The following UBA6 variants were observed in gnomAD, a reference collection of about 807,000 sequenced individuals.
The protein encoded by UBA6 is ubiquitin-like modifier-activating enzyme 6.
UBA6 carries 87 observed loss-of-function variants against 148.3 expected under a neutral mutation model. The ratio of observed to expected loss-of-function variants is 0.59; its 90% confidence interval spans 0.49 to 0.70. UBA6 has a LOEUF of 0.70. Among genes scored for constraint, UBA6 ranks in the 30% least tolerant of loss-of-function variants. The pLI, the probability that UBA6 is intolerant of heterozygous loss-of-function variation, is 0.00. For synonymous variants in UBA6, 376 were observed against 401.0 expected, an observed-to-expected ratio of 0.94 and a Z score of 0.75; for missense variants, 1,186 against 1,241.2, an observed-to-expected ratio of 0.96 and a Z score of 0.67.
Position 67,615,933 on chromosome 4 carries a change from A to C in UBA6, c.*3064T>G, listed in dbSNP as rs1728616905. On this transcript the variant is annotated 3_prime_UTR_variant, in exon 33 of 33. Transcript: ENST00000322244. ...GTGACTGGGAAGGAACTACATGTGT[A>C]ATTTCTGAACTGCTGTCAATATATT... 1 of 341,886 alleles carries C rather than the reference A, an allele frequency of 2.9e-6. No individual in the cohort carries two copies. Among genetic ancestry groups the C allele is most frequent in the East Asian group, 4.0e-5 (1 of 25,184 alleles). The allele number at this position is 341,886 out of a possible 1,614,324, so 21.2% of individuals were successfully genotyped here.
intron 2 of UBA6, among the ~76,000 whole-genome samples, chr4:67,686,999 A>C (rs1247680852): frequency 2.1e-5 from 3 of 143,514 alleles, no homozygotes; most frequent in African/African-American, 5.1e-5. Flanking sequence ...AATCAAAAAC[A>C]ACCTACCGTT....
chr4:67,638,858 T>C, intron 19 of UBA6, 85 bp downstream of exon 19: 4 of 997,752 alleles, frequency 4.0e-6, no homozygotes, highest in Non-Finnish European at 6.0e-6. Flanking sequence ...AATCAGATAA[T>C]TCCGTAACTT....
At chr4:67,650,670 C>T (rs1219386597) in intron 13 of UBA6, among the ~76,000 whole-genome samples, 1 of 152,126 alleles carries the variant, frequency 6.6e-6, no homozygotes, top group East Asian at 1.9e-4. Context: ...CACATTGTTA[C>T]AATCTCGGAC....
At position 67,678,550 on chromosome 4, in the gene UBA6, A is replaced by C. The variant is rs541938817; in HGVS notation, c.259-17T>G. 6.6e-7 allele frequency: 1 copy of C among 1,524,122 alleles called. No homozygotes were observed. Among genetic ancestry groups the C allele is most frequent in the South Asian group, 1.2e-5 (1 of 84,628 alleles). The allele number at this position is 1,524,122 out of a possible 1,614,324, so 94.4% of individuals were successfully genotyped here. A position where few individuals can be genotyped will look rare whatever the true frequency, so the allele number is the denominator to read the frequency against. Reference sequence around the variant, plus strand: ...TGTAACTGCCTTCAAAAAAGAAAAAAGTATTGGTTGAAGTCAGGAGTTCAA... The same window carrying C: ...TGTAACTGCCTTCAAAAAAGAAAAACGTATTGGTTGAAGTCAGGAGTTCAA... On this transcript the variant is annotated splice_polypyrimidine_tract_variant and intron_variant, in intron 4 of 32. Transcript: ENST00000322244.
chr4:67,699,374 A>G (rs1403641907), intron 1 of UBA6, among the ~76,000 whole-genome samples: 2 of 152,226 alleles, frequency 1.3e-5, no homozygotes, highest in Non-Finnish European at 2.9e-5. Context: ...TTGTAAACAA[A>G]GGTAATTAAA....
chr4:67,628,864 A>G (rs12509166), intron 27 of UBA6, among the ~76,000 whole-genome samples: 2,947 of 152,012 alleles, frequency 0.019, 71 homozygotes, highest in East Asian at 0.1. Context: ...CTAAGTCTAT[A>G]CTGATCTTTT....
At chr4:67,671,083 T>C (rs889059073) in intron 7 of UBA6, among the ~76,000 whole-genome samples, 1 of 151,974 alleles carries the variant, frequency 6.6e-6, no homozygotes, top group Non-Finnish European at 1.5e-5. Context: ...ACATCACAAA[T>C]CAAAGCCATG....
At chr4:67,656,773 T>C (rs900334219) in intron 13 of UBA6, among the ~76,000 whole-genome samples, 8 of 152,222 alleles carry the variant, frequency 5.3e-5, no homozygotes, top group Admixed American at 1.3e-4. Context: ...ATTGTATATT[T>C]AGAAAACCCC....
Position 67,616,238 on chromosome 4 carries a change from G to T in UBA6, c.*2759C>A. ...AGTAAAATCGCTAAATCCATACACA[G>T]TGATTATATAAAATTAGATATTTGC... On this transcript the variant is annotated 3_prime_UTR_variant, in exon 33 of 33. Coordinates refer to ENST00000322244, the MANE Select transcript of UBA6 (RefSeq NM_018227.6). 1 of 392,258 alleles carries T rather than the reference G, an allele frequency of 2.5e-6. No homozygotes were observed. The highest frequency in any genetic ancestry group is 4.5e-6 in the Non-Finnish European group (1 of 222,818). 24.3% of individuals were successfully genotyped at this position (392,258 alleles called of 1,614,324 possible). A position where few individuals can be genotyped will look rare whatever the true frequency, so the allele number is the denominator to read the frequency against.
At chr4:67,639,219 T>A in intron 18 of UBA6, 95 bp from the exon 19 acceptor site, 13 of 980,166 alleles carry the variant, frequency 1.3e-5, no homozygotes, top group Non-Finnish European at 1.9e-5. Flanking sequence ...ATGTGTAAGT[T>A]CAGTCATAGT....
intron 2 of UBA6, among the ~76,000 whole-genome samples, chr4:67,693,863 T>C (rs939149948): frequency 1.3e-5 from 2 of 151,968 alleles, no homozygotes; most frequent in African/African-American, 2.4e-5. Flanking sequence ...AATAAATCAT[T>C]GTCCAAAGTC....
At chr4:67,673,671 A>G (rs779347098) in intron 7 of UBA6, 26 bp downstream of exon 7, 6 of 1,526,384 alleles carry the variant, frequency 3.9e-6, no homozygotes, top group Non-Finnish European at 5.4e-6. Flanking sequence ...GGTTAACTAC[A>G]TGTCATTACT....
rs1729010656 is a variant in UBA6 at position 67,632,001 on chromosome 4, T to C, written c.2143-93A>G. ...AATTAAAAAATGTGTGTAGTAAATA[T>C]ATGCACATGATTCAAAAATCAAAAC... On this transcript the variant is annotated intron_variant, in intron 23 of 32. Coordinates refer to ENST00000322244, the MANE Select transcript of UBA6 (RefSeq NM_018227.6). 9 of 1,171,222 alleles carry C rather than the reference T, an allele frequency of 7.7e-6. No homozygotes were observed. The South Asian group carries it at 9.2e-5, about 12-fold the overall frequency. 72.6% of individuals were successfully genotyped at this position (1,171,222 alleles called of 1,614,324 possible).
At position 67,680,494 on chromosome 4, in the gene UBA6, G is replaced by A. The variant is rs189961885; in HGVS notation, c.258+1069C>T. Among the ~76,000 whole-genome samples the A allele has an allele frequency of 1.0e-3, 158 of 152,216 alleles. 1 individual carries two copies. The highest frequency in any genetic ancestry group is 3.7e-3 in the African/African-American group (153 of 41,536). ...TGCAAGAAAAAACCTAGGCAAGGAA[G>A]GGAAATCTATAGATTAAAATAAACC... On this transcript the variant is annotated intron_variant, in intron 4 of 32. Coordinates refer to ENST00000322244, the MANE Select transcript of UBA6 (RefSeq NM_018227.6).
chr4:67,624,922 T>C, intron 29 of UBA6, 72 bp downstream of exon 29: 2 of 1,250,416 alleles, frequency 1.6e-6, no homozygotes, highest in South Asian at 1.6e-5. Context: ...AGTGACTGGG[T>C]TGGTATGACG....
chr4:67,639,202 G>C, intron 18 of UBA6, 78 bp from the exon 19 acceptor site: 1 of 1,141,616 alleles, frequency 8.8e-7, no homozygotes, highest in East Asian at 2.5e-5. Flanking sequence ...ATTCCAGAGT[G>C]ATAAGAATGT....
intron 32 of UBA6, among the ~76,000 whole-genome samples, chr4:67,619,978 A>G (rs1728715780): frequency 6.6e-6 from 1 of 152,164 alleles, no homozygotes; most frequent in South Asian, 2.1e-4. Context: ...CTCCTGCCTA[A>G]TAATTTTATC....
In UBA6 at chr4:67,677,726, A is replaced by G. The variant is rs1471416825; in HGVS notation, c.354-4T>C. ...ATGTTTAAGTACAGCTTCAGCCCTAAAAAAATAAAATAAATTTTTACTGTT... is the reference window on the plus strand; with the variant it reads ...ATGTTTAAGTACAGCTTCAGCCCTAGAAAAATAAAATAAATTTTTACTGTT... On this transcript the variant is annotated splice_region_variant and splice_polypyrimidine_tract_variant and intron_variant, in intron 5 of 32. Transcript: ENST00000322244. 6.0e-6 allele frequency: 9 copies of G among 1,501,666 alleles called. No homozygotes were observed. Among genetic ancestry groups the G allele is most frequent in the African/African-American group, 1.4e-5 (1 of 71,084 alleles). The allele number at this position is 1,501,666 out of a possible 1,614,324, so 93.0% of individuals were successfully genotyped here. A position where few individuals can be genotyped will look rare whatever the true frequency, so the allele number is the denominator to read the frequency against.
intron 2 of UBA6, among the ~76,000 whole-genome samples, chr4:67,688,167 C>G (rs746933939): frequency 4.0e-4 from 61 of 152,188 alleles, no homozygotes; most frequent in South Asian, 1.0e-3. Context: ...ATAGTGATCT[C>G]TACAAAGGAA....
Sources: gnomAD v4.1 joint callset for allele counts (sites outside exome capture counted in the v4.1 genomes callset) on GRCh38, gnomAD v4.1.1 for gene constraint, MANE v1.5 for transcripts, NCBI Gene and HGNC (gene_info 2026-07-23, HGNC 2026-07-21) for gene names.